Variants in BRD8 observed in about 807,000 individuals in gnomAD.
BRD8 encodes bromodomain-containing protein 8.
Under a neutral mutation model 143.1 loss-of-function variants are expected in BRD8, and 67 were observed. The ratio of observed to expected loss-of-function variants is 0.47; its 90% CI spans 0.38 to 0.57. The LOEUF (loss-of-function observed/expected upper bound fraction) is 0.57, where lower values mean the gene tolerates loss of function less well. BRD8 is among the 20% of genes least tolerant of loss of function. The pLI is 0.00. For missense variants in BRD8, 1,103 were observed against 1,503.0 expected (o/e 0.73, Z 4.40); for synonymous variants, 505 against 517.1 (o/e 0.98, Z 0.32).
At chr5:138,157,500 C>T (rs1752684809) in intron 20 of BRD8, 1 of 551,878 alleles carries the variant, frequency 1.8e-6, no homozygotes, top group Admixed American at 3.2e-5. Context: ...CTACAGAGGT[C>T]CTTGGAATTC....
Position 138,161,788 on chromosome 5 carries a change from T to C in BRD8, c.2249+8A>G, listed in dbSNP as rs555395023. The C allele has an allele frequency of 6.5e-4, 1,047 of 1,612,536 alleles. 33 individuals are homozygous for C. In the South Asian group the frequency reaches 0.011, roughly 16 times the overall value. ...GCAAGTTACCATGCTGGGTGGACCA[T>C]GGCTCACCTCTGCACAATGCTGTGG... On this transcript the variant is annotated splice_region_variant and intron_variant, in intron 17 of 26. Coordinates refer to ENST00000254900, the MANE Select transcript of BRD8 (RefSeq NM_139199.2).
chr5:138,152,455 G>A (rs557433008), intron 21 of BRD8, 27 bp downstream of exon 21: 2 of 1,609,498 alleles, frequency 1.2e-6, no homozygotes, highest in East Asian at 4.5e-5. Flanking sequence ...GGCTTTTCCA[G>A]CTTTGGAAAT....
chr5:138,154,227 G>C, intron 20 of BRD8, among the ~76,000 whole-genome samples: 1 of 152,014 alleles, frequency 6.6e-6, no homozygotes, highest in East Asian at 1.9e-4. Flanking sequence ...TTCTCAATCT[G>C]CCAAAGTCCT....
rs548986948 is a variant in BRD8 at position 138,140,634 on chromosome 5, G to A, written c.3615+71C>T. 86 of 1,495,664 alleles carry A rather than the reference G, an allele frequency of 5.7e-5. No homozygotes were observed. In the South Asian group the frequency reaches 6.7e-4, roughly 12 times the overall value. The allele number at this position is 1,495,664 out of a possible 1,614,324, so 92.6% of individuals were successfully genotyped here. On this transcript the variant is annotated intron_variant, in intron 26 of 26. Coordinates refer to ENST00000254900, the MANE Select transcript of BRD8 (RefSeq NM_139199.2). ...TAAACTCTGAGAACACAGTCACCTC[G>A]AAATCACCTTTATTCTCATAGGCGT...
intron 14 of BRD8, 67 bp from the exon 15 acceptor site, chr5:138,163,411 G>C (rs1379030615): frequency 1.3e-6 from 2 of 1,562,258 alleles, no homozygotes; most frequent in African/African-American, 1.4e-5. Flanking sequence ...CATTAAACAT[G>C]ATCTGTCTTT....
intron 25 of BRD8, among the ~76,000 whole-genome samples, 199 bp from the exon 26 acceptor site, chr5:138,141,081 A>C (rs1751884612): frequency 6.6e-6 from 1 of 152,160 alleles, no homozygotes; most frequent in Non-Finnish European, 1.5e-5. Context: ...TTCTATACTA[A>C]CTCACTTAAT....
chr5:138,140,619 G>A (rs1341529123), intron 26 of BRD8, 86 bp downstream of exon 26: 1 of 1,437,978 alleles, frequency 7.0e-7, no homozygotes, highest in Non-Finnish European at 9.8e-7. Flanking sequence ...TAAACTCTGA[G>A]AACACAGTCA....
intron 23 of BRD8, among the ~76,000 whole-genome samples, chr5:138,148,825 G>T (rs1752267933): frequency 6.6e-6 from 1 of 151,950 alleles, no homozygotes; most frequent in Non-Finnish European, 1.5e-5. Flanking sequence ...AACACTTTAG[G>T]AGGCTGAGGT....
intron 2 of BRD8, chr5:138,177,362 T>G: frequency 3.5e-6 from 1 of 287,208 alleles, no homozygotes; most frequent in Non-Finnish European, 6.3e-6. Flanking sequence ...AAACTCTGTC[T>G]CTACTAAAAA....
At chr5:138,149,587 G>A in intron 23 of BRD8, 53 bp downstream of exon 23, 3 of 1,428,808 alleles carry the variant, frequency 2.1e-6, no homozygotes, top group Non-Finnish European at 2.8e-6. Context: ...GATTCAAATA[G>A]GCATAAACAG....
In BRD8 at chr5:138,166,517, C is replaced by T; in HGVS notation, c.997+1G>A. 6.2e-7 allele frequency: 1 copy of T among 1,600,616 alleles called. No homozygotes were observed. Among genetic ancestry groups the T allele is most frequent in the South Asian group, 1.1e-5 (1 of 89,584 alleles). On this transcript the variant is annotated splice_donor_variant, in intron 10 of 26. Coordinates refer to ENST00000254900, the MANE Select transcript of BRD8 (RefSeq NM_139199.2). LOFTEE classifies it high-confidence loss of function. Reference sequence around the variant, plus strand: ...GATCTAGTGGCTGCTCAGGGACGCACCTGGAGCTACACTTTCAGTAGTGGA... The same window carrying T: ...GATCTAGTGGCTGCTCAGGGACGCATCTGGAGCTACACTTTCAGTAGTGGA...
intron 8 of BRD8, 61 bp from the exon 9 acceptor site, chr5:138,168,139 AC>A: frequency 7.9e-7 from 1 of 1,262,888 alleles, no homozygotes; most frequent in Non-Finnish European, 1.1e-6. Context: ...CCATTTCCCA[AC>A]AAAGCTCCAG....
At chr5:138,156,878 A>T (rs913632748) in intron 20 of BRD8, 21 of 1,085,834 alleles carry the variant, frequency 1.9e-5, no homozygotes, top group African/African-American at 5.0e-5. Flanking sequence ...AGAACAAGCC[A>T]AAGGCTAGTT....
At chr5:138,144,962 A>G (rs1752090627) in intron 25 of BRD8, among the ~76,000 whole-genome samples, 1 of 150,826 alleles carries the variant, frequency 6.6e-6, no homozygotes, top group Non-Finnish European at 1.5e-5. Flanking sequence ...AAAAGTCAAT[A>G]GTACAAAATA....
chr5:138,159,618 A>C lies in BRD8; in HGVS notation c.2533-19T>G, dbSNP rs748952580. On this transcript the variant is annotated intron_variant, in intron 19 of 26. Transcript: ENST00000254900. ...CACTGTCCTGTTAGAGGACAAACAA[A>C]CACTGATCAGGTTCCACAGAAACTC... 6.2e-7 allele frequency: 1 copy of C among 1,613,332 alleles called. No homozygotes were observed.
At chr5:138,165,578 T>C (rs188929062) in intron 11 of BRD8, among the ~76,000 whole-genome samples, 1 of 151,952 alleles carries the variant, frequency 6.6e-6, no homozygotes, top group East Asian at 1.9e-4. Flanking sequence ...TACAAAAAAT[T>C]AGTGAGGCGT....
Position 138,169,337 on chromosome 5 carries a change from G to A in BRD8, c.527C>T (p.Pro176Leu), listed in dbSNP as rs1753689990. 2.5e-6 allele frequency: 4 copies of A among 1,613,680 alleles called. No homozygotes were observed. Among genetic ancestry groups the A allele is most frequent in the Non-Finnish European group, 3.4e-6 (4 of 1,179,824 alleles). Residue 176 changes from proline to leucine, a missense_variant, in exon 8 of 27, where the codon CCC (proline) becomes CTC (leucine). Physicochemically the swap from Pro to Leu is moderately conservative, Grantham distance 98. Coordinates refer to ENST00000254900, the MANE Select transcript of BRD8 (RefSeq NM_139199.2). The stretch of plus-strand genomic sequence containing the variant: ...CATCACAGTGGGTAACCTCCGGGGG[G>A]GTGTTTTTACTGCTTGACGAGCTAG... The part of the protein sequence containing the change: ...AYQARQAVKT[P>L]PRRLPTVMVR...
chr5:138,161,259 G>T, intron 17 of BRD8, 191 bp from the exon 18 acceptor site: 2 of 474,210 alleles, frequency 4.2e-6, no homozygotes, highest in Non-Finnish European at 7.4e-6. Context: ...CATTGAGAAA[G>T]GTAATAAAGG....
intron 9 of BRD8, chr5:138,167,706 C>G (rs180737903): frequency 1.2e-3 from 566 of 489,200 alleles, no homozygotes; most frequent in Admixed American, 2.2e-3. Flanking sequence ...TTCAATATTA[C>G]TCTCAATATC....
Sources: allele counts gnomAD v4.1 joint callset (sites outside exome capture counted in the v4.1 genomes callset), GRCh38; gene constraint gnomAD v4.1.1; transcripts MANE v1.5; gene names NCBI Gene and HGNC (gene_info 2026-07-23, HGNC 2026-07-21).